The following CPNE1 variants were observed in gnomAD, a reference collection of about 807,000 sequenced individuals.
The protein encoded by CPNE1 is copine-1.
In CPNE1, 58 loss-of-function variants were observed where a neutral mutation model predicts 63.2. The ratio of observed to expected loss-of-function variants is 0.92; its 90% CI spans 0.74 to 1.14. CPNE1 has a LOEUF of 1.14. Ranked by LOEUF, CPNE1 falls within the 50% of genes most tolerant of loss-of-function variation. CPNE1 has a pLI of 0.00. For missense variants in CPNE1, 672 were observed against 661.7 expected (o/e 1.02, Z -0.17); for synonymous variants, 237 against 249.0 (o/e 0.95, Z 0.45).
At chr20:35,639,573 T>C (rs564636550) in intron 1 of CPNE1, among the ~76,000 whole-genome samples, 4 of 152,270 alleles carry the variant, frequency 2.6e-5, no homozygotes, top group Non-Finnish European at 5.9e-5. Context: ...TGACCTGAGG[T>C]GATCCGCCCG....
intron 1 of CPNE1, among the ~76,000 whole-genome samples, chr20:35,636,365 C>T (rs536513460): frequency 6.6e-6 from 1 of 152,302 alleles, no homozygotes; most frequent in East Asian, 1.9e-4. Flanking sequence ...AAAGAATGCT[C>T]ATTTCACTAA....
intron 1 of CPNE1, among the ~76,000 whole-genome samples, chr20:35,639,215 A>T (rs1019105510): frequency 6.6e-6 from 1 of 152,232 alleles, no homozygotes; most frequent in Non-Finnish European, 1.5e-5. Context: ...AAATAAAAGG[A>T]GTTGTTGAAG....
At chr20:35,654,180 C>T (rs765189200) in intron 1 of CPNE1, 7 of 1,614,250 alleles carry the variant, frequency 4.3e-6, no homozygotes, top group Non-Finnish European at 5.9e-6. Context: ...CAGCTACCCA[C>T]TGTCTTTCTG....
chr20:35,658,746 T>A (rs2034052395), intron 1 of CPNE1, among the ~76,000 whole-genome samples: 1 of 150,736 alleles, frequency 6.6e-6, no homozygotes. Flanking sequence ...GGCAACAGAG[T>A]CTAGCCTGGG....
chr20:35,647,897 G>GAAAAAAAA (rs11481740), intron 1 of CPNE1, among the ~76,000 whole-genome samples: 1 of 98,742 alleles, frequency 1.0e-5, no homozygotes. Context: ...TACTAAAAAT[G>GAAAAAAAA]AAAAAAAAAA....
Position 35,655,095 on chromosome 20 carries a change from C to T in CPNE1, c.-1+9665G>A, listed in dbSNP as rs6121015. ...GTTCAATCATATTCTGCATTTCCGT[C>T]TTACTACTCAACAATAGTGTTACTT... On this transcript the variant is annotated intron_variant, in intron 1 of 15. Coordinates refer to ENST00000397443, the MANE Select transcript of CPNE1 (RefSeq NM_152925.3). The T allele has an allele frequency of 0.2, 322,580 of 1,613,868 alleles. 35,967 individuals carry two copies. The highest frequency in any genetic ancestry group is 0.41 in the African/African-American group (30,768 of 74,900).
intron 1 of CPNE1, among the ~76,000 whole-genome samples, chr20:35,644,602 T>C (rs936447520): frequency 2.6e-5 from 4 of 152,232 alleles, no homozygotes; most frequent in Admixed American, 6.5e-5. Context: ...TAATCTGTCC[T>C]AAGTCACATA....
At chr20:35,631,456 G>A (rs756146994) in intron 8 of CPNE1, 36 bp downstream of exon 8, 1 of 1,606,002 alleles carries the variant, frequency 6.2e-7, no homozygotes, top group Non-Finnish European at 8.5e-7. Flanking sequence ...AGCTATCTAG[G>A]CCCATTTCCA....
At chr20:35,654,698 G>A in intron 1 of CPNE1, 1 of 1,613,778 alleles carries the variant, frequency 6.2e-7, no homozygotes, top group Non-Finnish European at 8.5e-7. Flanking sequence ...GGAGGAACTG[G>A]AATTGGGGGA....
At position 35,653,527 on chromosome 20, in the gene CPNE1, C is replaced by T. The variant is rs778426459; in HGVS notation, c.-1+11233G>A. Reference sequence around the variant, plus strand: ...TTTACGGTGTAAGCGTTCAGACTTACGTGCATCATCTTCATTTTTAAACTG... The same window carrying T: ...TTTACGGTGTAAGCGTTCAGACTTATGTGCATCATCTTCATTTTTAAACTG... On this transcript the variant is annotated intron_variant, in intron 1 of 15. Transcript: ENST00000397443. The T allele has an allele frequency of 2.0e-5, 33 of 1,614,098 alleles. No homozygotes were observed. Among genetic ancestry groups the T allele is most frequent in the Non-Finnish European group, 2.5e-5 (29 of 1,180,054 alleles).
chr20:35,659,200 T>C (rs545093248), intron 1 of CPNE1, among the ~76,000 whole-genome samples: 5 of 151,114 alleles, frequency 3.3e-5, no homozygotes, highest in East Asian at 1.9e-4. Flanking sequence ...TTAGTTGGTA[T>C]TGCTTTCAAA....
chr20:35,655,166 C>T, intron 1 of CPNE1: 2 of 1,614,196 alleles, frequency 1.2e-6, no homozygotes, highest in Non-Finnish European at 1.7e-6. Flanking sequence ...CCAAGCCTTG[C>T]ATCTTCATCA....
chr20:35,638,349 G>T (rs1324900165), intron 1 of CPNE1, among the ~76,000 whole-genome samples: 5 of 152,306 alleles, frequency 3.3e-5, no homozygotes, highest in African/African-American at 1.2e-4. Context: ...ATGGGCAAAA[G>T]ATTTGATCAG....
intron 13 of CPNE1, among the ~76,000 whole-genome samples, chr20:35,630,019 G>A (rs770711277): frequency 3.9e-5 from 6 of 151,954 alleles, no homozygotes; most frequent in Non-Finnish European, 8.8e-5. Flanking sequence ...TGGGTCAGGC[G>A]CTGTGGCTCA....
At chr20:35,659,067 C>A in intron 1 of CPNE1, 1 of 711,036 alleles carries the variant, frequency 1.4e-6, no homozygotes. Flanking sequence ...CACAAAACAA[C>A]ACGCACAGGC....
chr20:35,661,659 T>C (rs1441961294), intron 1 of CPNE1, among the ~76,000 whole-genome samples: 1 of 152,166 alleles, frequency 6.6e-6, no homozygotes, highest in African/African-American at 2.4e-5. Context: ...CTACAAAAAT[T>C]TAACATATTA....
At position 35,632,543 on chromosome 20, in the gene CPNE1, C is replaced by G. The variant is rs1568913667; in HGVS notation, c.283G>C (p.Gly95Arg). The G allele has an allele frequency of 1.4e-5, 22 of 1,613,748 alleles. No individual in the cohort carries two copies. The highest frequency in any genetic ancestry group is 1.9e-5 in the Non-Finnish European group (22 of 1,179,768). ...TGTCCTAGGGAACACTCAGCACCCC[C>G]TAGGAAGTCATCATCCCTCAGCTCT... ...TPELRDDDFL[G>R]GAECSLGQIV... Residue 95 changes from glycine to arginine, a missense_variant, in exon 3 of 16, where the codon GGG becomes CGG. Coordinates refer to ENST00000397443, the MANE Select transcript of CPNE1 (RefSeq NM_152925.3).
chr20:35,654,529 G>C, intron 1 of CPNE1: 1 of 1,614,172 alleles, frequency 6.2e-7, no homozygotes. Flanking sequence ...CAAATTCATA[G>C]GTGCTCCAGA....
intron 1 of CPNE1, chr20:35,654,203 C>T (rs1372084503): frequency 6.2e-7 from 1 of 1,614,246 alleles, no homozygotes; most frequent in East Asian, 2.2e-5. Flanking sequence ...GCAGGGCTAA[C>T]TTCCACATAG....
Sources: allele counts gnomAD v4.1 joint callset (sites outside exome capture counted in the v4.1 genomes callset), GRCh38; gene constraint gnomAD v4.1.1; transcripts MANE v1.5; gene names NCBI Gene and HGNC (gene_info 2026-07-23, HGNC 2026-07-21).